The following CAST variants were observed in gnomAD, a reference collection of about 807,000 sequenced individuals.
The protein encoded by CAST is MIR583 host.
Under a neutral mutation model 119.6 loss-of-function variants are expected in CAST, and 76 were observed. The ratio of observed to expected loss-of-function variants is 0.64; its 90% CI spans 0.53 to 0.77. CAST has a LOEUF of 0.77. Among genes scored for constraint, CAST ranks in the 30% least tolerant of loss-of-function variants. The pLI, the probability that CAST is intolerant of heterozygous loss-of-function variation, is 0.00. For synonymous variants in CAST, 319 were observed against 331.6 expected, an observed-to-expected ratio of 0.96 and a Z score of 0.41; for missense variants, 953 against 946.5, an observed-to-expected ratio of 1.01 and a Z score of -0.09.
the CAST span, among the ~76,000 whole-genome samples, chr5:96,447,062 G>A: frequency 6.6e-6 from 1 of 152,170 alleles, no homozygotes; most frequent in African/African-American, 2.4e-5. Flanking sequence ...GTTAAATTAC[G>A]GACCTGGAGA....
the CAST span, among the ~76,000 whole-genome samples, chr5:96,374,818 G>A: frequency 3.3e-5 from 5 of 152,160 alleles, no homozygotes; most frequent in African/African-American, 1.2e-4. Context: ...AGTTGTGGTG[G>A]AAGAAAGGTT....
the CAST span, among the ~76,000 whole-genome samples, chr5:96,010,194 T>C: frequency 6.6e-6 from 1 of 152,236 alleles, no homozygotes; most frequent in African/African-American, 2.4e-5. Flanking sequence ...TTGGTTACTG[T>C]AGTCTTATAG....
At chr5:96,636,705 C>T (rs1017019626) in intron 1 of CAST, among the ~76,000 whole-genome samples, 2 of 152,124 alleles carry the variant, frequency 1.3e-5, no homozygotes, top group African/African-American at 2.4e-5. Flanking sequence ...CATTTGGAAT[C>T]GCTTTCAAAT....
the CAST span, among the ~76,000 whole-genome samples, chr5:96,401,043 T>G: frequency 8.1e-6 from 1 of 123,448 alleles, no homozygotes; most frequent in Non-Finnish European, 1.6e-5. Context: ...GCCAAGATTG[T>G]GCCACTGCAA....
At chr5:96,042,868 C>T in the CAST span, among the ~76,000 whole-genome samples, 1 of 152,034 alleles carries the variant, frequency 6.6e-6, no homozygotes, top group Non-Finnish European at 1.5e-5. Flanking sequence ...AGCTCAGTGC[C>T]TAATGCAGAA....
intron 1 of CAST, among the ~76,000 whole-genome samples, chr5:96,643,746 A>G (rs1747981658): frequency 6.6e-6 from 1 of 152,094 alleles, no homozygotes; most frequent in Non-Finnish European, 1.5e-5. Context: ...GGTGGCGCGC[A>G]CCTGTAATCC....
At chr5:96,252,299 A>T in the CAST span, among the ~76,000 whole-genome samples, 9 of 152,120 alleles carry the variant, frequency 5.9e-5, no homozygotes, top group Non-Finnish European at 1.2e-4. Flanking sequence ...TGTGAATTTC[A>T]ATTACTATTG....
chr5:96,361,651 G>A, the CAST span, among the ~76,000 whole-genome samples: 1 of 151,888 alleles, frequency 6.6e-6, no homozygotes, highest in Non-Finnish European at 1.5e-5. Context: ...CTCACCTTCC[G>A]TGGGCTGCAC....
the CAST span, among the ~76,000 whole-genome samples, chr5:96,513,220 G>A: frequency 6.6e-6 from 1 of 152,202 alleles, no homozygotes; most frequent in Non-Finnish European, 1.5e-5. Flanking sequence ...CCCAGTTTTT[G>A]CATCCTGTAG....
chr5:96,477,856 A>G, the CAST span, among the ~76,000 whole-genome samples: 3 of 152,178 alleles, frequency 2.0e-5, no homozygotes, highest in African/African-American at 4.8e-5. Flanking sequence ...GATTTTCCTC[A>G]TCAAGCAAAC....
the CAST span, among the ~76,000 whole-genome samples, chr5:96,301,213 A>C: frequency 6.6e-6 from 1 of 152,136 alleles, no homozygotes; most frequent in African/African-American, 2.4e-5. Context: ...CACACTTTTA[A>C]ACAACCAGAT....
chr5:96,607,031 G>A (rs1302076598), intron 1 of CAST, among the ~76,000 whole-genome samples: 1 of 152,210 alleles, frequency 6.6e-6, no homozygotes, highest in Non-Finnish European at 1.5e-5. Context: ...GCTCACGCCT[G>A]TAATCCCAGC....
intron 10 of CAST, 142 bp downstream of exon 10, chr5:96,736,382 T>C (rs1761640771): frequency 1.8e-6 from 1 of 546,390 alleles, no homozygotes. Context: ...CAAGCTAATA[T>C]TGAAAGTGTG....
At chr5:96,362,103 G>A in the CAST span, among the ~76,000 whole-genome samples, 7 of 151,918 alleles carry the variant, frequency 4.6e-5, no homozygotes, top group African/African-American at 9.7e-5. Context: ...CTGTCCTTGC[G>A]ATAGTTTGCT....
At chr5:96,455,939 G>T in the CAST span, among the ~76,000 whole-genome samples, 4 of 152,250 alleles carry the variant, frequency 2.6e-5, no homozygotes, top group Non-Finnish European at 5.9e-5. Context: ...TCCAGCACCT[G>T]GCCCAGGAGG....
chr5:96,746,692 G>A (rs888921195), intron 17 of CAST, among the ~76,000 whole-genome samples: 28 of 152,158 alleles, frequency 1.8e-4, no homozygotes, highest in Middle Eastern at 3.2e-3. Context: ...TCTTACAATA[G>A]ATCCCAAAAC....
At chr5:96,423,923 G>T in the CAST span, among the ~76,000 whole-genome samples, 1 of 152,160 alleles carries the variant, frequency 6.6e-6, no homozygotes, top group Admixed American at 6.5e-5. Context: ...AAAGGAAAAA[G>T]CAGAACCTGG....
intron 1 of CAST, among the ~76,000 whole-genome samples, chr5:96,614,388 A>G (rs1747416723): frequency 6.6e-6 from 1 of 152,234 alleles, no homozygotes. Context: ...GATTTTCAGC[A>G]AAAGCATCCA....
the CAST span, among the ~76,000 whole-genome samples, chr5:96,352,087 A>G: frequency 2.6e-5 from 4 of 152,174 alleles, no homozygotes; most frequent in African/African-American, 9.6e-5. Flanking sequence ...AGATCTGCCC[A>G]TACTGTGATG....
Sources: allele counts gnomAD v4.1 joint callset (sites outside exome capture counted in the v4.1 genomes callset), GRCh38; gene constraint gnomAD v4.1.1; transcripts MANE v1.5; gene names NCBI Gene and HGNC (gene_info 2026-07-23, HGNC 2026-07-21).